Variants in VAC14 observed in about 807,000 individuals in gnomAD.
The protein encoded by VAC14 is protein VAC14 homolog.
A neutral mutation model predicts 85.3 loss-of-function variants in VAC14; 47 were observed. The ratio of observed to expected loss-of-function variants is 0.55; its 90% confidence interval spans 0.44 to 0.70. The LOEUF (loss-of-function observed/expected upper bound fraction) is 0.70, where lower values mean the gene tolerates loss of function less well. Ranked by LOEUF, VAC14 falls within the 30% of genes least tolerant of loss-of-function variation. VAC14 has a pLI of 0.00. For synonymous variants in VAC14, 447 were observed against 430.5 expected (o/e 1.04, Z -0.47); for missense variants, 861 against 1,004.3 (o/e 0.86, Z 1.93).
At chr16:70,772,267 G>T in intron 9 of VAC14, 95 bp from the exon 10 acceptor site, 2 of 1,068,466 alleles carry the variant, frequency 1.9e-6, no homozygotes, top group Non-Finnish European at 2.9e-6. Flanking sequence ...ACTCTCCAGA[G>T]CCCCATACCT....
intron 14 of VAC14, among the ~76,000 whole-genome samples, chr16:70,721,672 C>T (rs1459575223): frequency 1.3e-5 from 2 of 152,078 alleles, no homozygotes; most frequent in Non-Finnish European, 2.9e-5. Context: ...CTCGTCTCAG[C>T]TCTGTCCCCG....
chr16:70,692,798 A>G lies in VAC14; in HGVS notation c.2186+23T>C, dbSNP rs1378612717. On this transcript the variant is annotated intron_variant, in intron 18 of 18. Transcript: ENST00000261776. Reference sequence around the variant, plus strand: ...CTGTCCCTGCTCAGGGGGCGGGGGCAGCAGTCCCCAGCCGGCACTCACTCG... The same window carrying G: ...CTGTCCCTGCTCAGGGGGCGGGGGCGGCAGTCCCCAGCCGGCACTCACTCG... 8.8e-6 allele frequency: 14 copies of G among 1,588,088 alleles called. No individual in the cohort carries two copies. The Admixed American group carries it at 2.5e-4, about 29-fold the overall frequency.
chr16:70,798,587 C>G (rs183915248), intron 1 of VAC14, among the ~76,000 whole-genome samples: 1 of 152,352 alleles, frequency 6.6e-6, no homozygotes, highest in Non-Finnish European at 1.5e-5. Flanking sequence ...ACCAGCCATT[C>G]TTCATTCTAA....
intron 18 of VAC14, chr16:70,691,758 T>A: frequency 1.0e-5 from 10 of 985,298 alleles, no homozygotes; most frequent in Non-Finnish European, 1.2e-5. Flanking sequence ...AGAGAGCCTA[T>A]CAGGTGCCCC....
intron 9 of VAC14, among the ~76,000 whole-genome samples, chr16:70,776,094 A>T (rs28368831): frequency 0.018 from 2,740 of 152,158 alleles, 84 homozygotes; most frequent in African/African-American, 0.062. Flanking sequence ...CACCATAAGA[A>T]CTATTGTAGC....
At chr16:70,792,410 G>T (rs2034379291) in intron 1 of VAC14, among the ~76,000 whole-genome samples, 1 of 152,166 alleles carries the variant, frequency 6.6e-6, no homozygotes, top group East Asian at 1.9e-4. Context: ...CTAATGTGAA[G>T]GGCATGGACA....
intron 8 of VAC14, 120 bp from the exon 9 acceptor site, chr16:70,781,059 G>T: frequency 7.1e-7 from 1 of 1,407,960 alleles, no homozygotes; most frequent in Non-Finnish European, 9.7e-7. Flanking sequence ...TCGGTCATGG[G>T]GGTGGATCCC....
chr16:70,754,602 G>C (rs1013888013), intron 12 of VAC14, among the ~76,000 whole-genome samples: 127 of 152,258 alleles, frequency 8.3e-4, no homozygotes, highest in Non-Finnish European at 4.0e-4. Flanking sequence ...CCTGCCCACG[G>C]CAGGGCCAGG....
intron 12 of VAC14, among the ~76,000 whole-genome samples, chr16:70,757,131 C>A (rs1318548446): frequency 6.6e-6 from 1 of 152,166 alleles, no homozygotes; most frequent in Admixed American, 6.5e-5. Context: ...GTTAAGGACG[C>A]CCCGGCTCTG....
At chr16:70,744,900 C>T (rs2030720937) in intron 12 of VAC14, 2 of 284,894 alleles carry the variant, frequency 7.0e-6, no homozygotes, top group Non-Finnish European at 1.3e-5. Context: ...CCCCAGGAGT[C>T]CCAGGACTCA....
intron 10 of VAC14, chr16:70,769,118 G>A (rs956037775): frequency 5.2e-6 from 1 of 193,236 alleles, no homozygotes; most frequent in African/African-American, 2.4e-5. Flanking sequence ...GCCCAGCTGT[G>A]GATGTGCATT....
intron 6 of VAC14, 151 bp downstream of exon 6, chr16:70,783,294 G>T (rs2033897956): frequency 1.0e-6 from 1 of 1,004,276 alleles, no homozygotes; most frequent in Non-Finnish European, 1.5e-6. Flanking sequence ...GGGGTTGATG[G>T]GCTCTTGGCT....
intron 9 of VAC14, among the ~76,000 whole-genome samples, chr16:70,776,626 C>G (rs557132217): frequency 2.7e-4 from 41 of 152,230 alleles, no homozygotes; most frequent in African/African-American, 7.9e-4. Flanking sequence ...GATGGGGTCT[C>G]GCTATATTGC....
intron 14 of VAC14, among the ~76,000 whole-genome samples, chr16:70,727,545 G>A (rs1046254874): frequency 6.6e-6 from 1 of 152,128 alleles, no homozygotes; most frequent in African/African-American, 2.4e-5. Context: ...TCGCTATGTT[G>A]GCCAGGCTGG....
chr16:70,768,887 G>A (rs994494786), intron 10 of VAC14: 9 of 447,700 alleles, frequency 2.0e-5, no homozygotes, highest in South Asian at 3.1e-5. Flanking sequence ...TGAAACCTCC[G>A]CCTCCCAGGT....
At chr16:70,700,096 G>A in intron 14 of VAC14, 1 of 152,284 alleles carries the variant, frequency 6.6e-6, no homozygotes, top group Non-Finnish European at 1.5e-5. Context: ...CATGACCTGG[G>A]CCCAGCTTCC....
chr16:70,692,602 G>A (rs1017957081), intron 18 of VAC14, among the ~76,000 whole-genome samples: 9 of 152,344 alleles, frequency 5.9e-5, no homozygotes, highest in African/African-American at 1.9e-4. Context: ...CGGCCACCGT[G>A]TGAGGGCTCC....
chr16:70,744,316 A>G, intron 13 of VAC14, 107 bp downstream of exon 13: 1 of 1,453,218 alleles, frequency 6.9e-7, no homozygotes, highest in Non-Finnish European at 9.3e-7. Flanking sequence ...ACCCTGGCAG[A>G]GCTCCAGAGC....
intron 14 of VAC14, among the ~76,000 whole-genome samples, chr16:70,711,127 G>A (rs746264472): frequency 5.9e-5 from 9 of 152,222 alleles, no homozygotes; most frequent in Non-Finnish European, 1.3e-4. Flanking sequence ...GGTCCCTCAA[G>A]CCAGGAATAC....
Sources: allele counts gnomAD v4.1 joint callset (sites outside exome capture counted in the v4.1 genomes callset), GRCh38; gene constraint gnomAD v4.1.1; transcripts MANE v1.5; gene names NCBI Gene and HGNC (gene_info 2026-07-23, HGNC 2026-07-21).